Variants in DENND4C observed in about 807,000 individuals in gnomAD.
DENND4C encodes the protein DENN domain-containing protein 4C.
Under a neutral mutation model 203.0 loss-of-function variants are expected in DENND4C, and 108 were observed. That is an observed-to-expected ratio of 0.53 (90% CI 0.46 to 0.62). The LOEUF (loss-of-function observed/expected upper bound fraction) is 0.62. DENND4C is among the 20% of genes least tolerant of loss of function. The pLI, the probability that DENND4C is intolerant of heterozygous loss-of-function variation, is 0.00. For synonymous variants in DENND4C, 871 were observed against 792.4 expected (o/e 1.10, Z -1.67); for missense variants, 2,481 against 2,301.2 (o/e 1.08, Z -1.60).
intron 32 of DENND4C, 76 bp from the exon 33 acceptor site, chr9:19,371,961 C>T: frequency 6.8e-7 from 1 of 1,464,086 alleles, no homozygotes; most frequent in Non-Finnish European, 9.3e-7. Context: ...TATAATTTGA[C>T]TCAATACCAA....
chr9:19,365,368 C>A (rs1262333204), intron 30 of DENND4C, among the ~76,000 whole-genome samples: 1 of 152,140 alleles, frequency 6.6e-6, no homozygotes, highest in Non-Finnish European at 1.5e-5. Flanking sequence ...TTAAAACACT[C>A]ATCAAGCTGG....
chr9:19,309,918 A>G (rs1043426825), intron 10 of DENND4C, among the ~76,000 whole-genome samples: 4 of 152,160 alleles, frequency 2.6e-5, no homozygotes, highest in Non-Finnish European at 5.9e-5. Context: ...CACAAGAAAT[A>G]TGACCCATGA....
chr9:19,295,968 A>G (rs200586878), intron 5 of DENND4C, 40 bp from the exon 6 acceptor site: 1 of 1,467,042 alleles, frequency 6.8e-7, no homozygotes, highest in African/African-American at 1.4e-5. Flanking sequence ...ATTTTTTCAA[A>G]CAAACTCAAA....
chr9:19,302,190 G>C (rs1326011152), intron 9 of DENND4C, among the ~76,000 whole-genome samples: 1 of 152,188 alleles, frequency 6.6e-6, no homozygotes, highest in African/African-American at 2.4e-5. Flanking sequence ...AGTTATGCCA[G>C]TTACCATTTG....
chr9:19,343,203 C>A (rs1822052500), intron 22 of DENND4C, among the ~76,000 whole-genome samples: 1 of 152,202 alleles, frequency 6.6e-6, no homozygotes, highest in South Asian at 2.1e-4. Context: ...CCCCTCTACA[C>A]AGATATGCCA....
intron 8 of DENND4C, 129 bp downstream of exon 8, chr9:19,299,416 T>A: frequency 1.7e-6 from 1 of 584,470 alleles, no homozygotes; most frequent in Non-Finnish European, 2.7e-6. Flanking sequence ...TAGTTAAAAC[T>A]AGGCAAAAAT....
At chr9:19,306,506 T>G (rs7021292) in intron 10 of DENND4C, among the ~76,000 whole-genome samples, 38,308 of 151,994 alleles carry the variant, frequency 0.25, 5,039 homozygotes, top group East Asian at 0.44. Flanking sequence ...TAGCACACAT[T>G]TTATTGTTTG....
intron 1 of DENND4C, among the ~76,000 whole-genome samples, chr9:19,258,701 T>G (rs1828603750): frequency 6.6e-6 from 1 of 152,092 alleles, no homozygotes. Flanking sequence ...TGTTTCCAGG[T>G]TGGAGTGCAG....
At chr9:19,325,315 G>A (rs1222864615) in intron 13 of DENND4C, among the ~76,000 whole-genome samples, 1 of 151,942 alleles carries the variant, frequency 6.6e-6, no homozygotes, top group Admixed American at 6.6e-5. Context: ...AGTTAAAATT[G>A]ATTCTTGACT....
chr9:19,238,396 G>A (rs1367028577), intron 1 of DENND4C, among the ~76,000 whole-genome samples: 8 of 150,722 alleles, frequency 5.3e-5, no homozygotes, highest in African/African-American at 1.9e-4. Context: ...CCTATTTCTA[G>A]TGGTTGCTAG....
intron 1 of DENND4C, among the ~76,000 whole-genome samples, chr9:19,257,000 G>A (rs1040493566): frequency 8.6e-5 from 13 of 151,860 alleles, no homozygotes; most frequent in African/African-American, 2.9e-4. Context: ...AACCTGGGAG[G>A]CGGAGGTTGC....
At chr9:19,335,537 C>T (rs1284791681) in intron 18 of DENND4C, among the ~76,000 whole-genome samples, 2 of 152,112 alleles carry the variant, frequency 1.3e-5, no homozygotes, top group Admixed American at 1.3e-4. Context: ...CCCCTGGTAA[C>T]CATACTTCTA....
chr9:19,338,443 C>T (rs1432286749), intron 20 of DENND4C, among the ~76,000 whole-genome samples: 1 of 152,038 alleles, frequency 6.6e-6, no homozygotes, highest in Non-Finnish European at 1.5e-5. Flanking sequence ...ATAAAGACTT[C>T]AATAGTTGGG....
At chr9:19,323,543 A>C (rs1196079511) in intron 12 of DENND4C, among the ~76,000 whole-genome samples, 1 of 152,208 alleles carries the variant, frequency 6.6e-6, no homozygotes, top group South Asian at 2.1e-4. Context: ...CTTGAATCAG[A>C]TGCCTTGGTC....
chr9:19,338,716 T>G (rs879880930), intron 20 of DENND4C, among the ~76,000 whole-genome samples: 2 of 152,212 alleles, frequency 1.3e-5, no homozygotes, highest in Admixed American at 1.3e-4. Context: ...CCCAGCCTAG[T>G]GTTCATTTCA....
intron 31 of DENND4C, among the ~76,000 whole-genome samples, chr9:19,370,458 A>T (rs1298591175): frequency 6.6e-6 from 1 of 152,158 alleles, no homozygotes; most frequent in Non-Finnish European, 1.5e-5. Context: ...CTGTCTCAAA[A>T]AAAAAAAAAG....
In DENND4C at chr9:19,369,951, T is replaced by C. The variant is rs1393746094; in HGVS notation, c.5639T>C (p.Leu1880Pro). Residue 1880 changes from leucine to proline, a missense_variant, in exon 31 of 33, where the codon CTT (leucine) becomes CCT (proline). Transcript: ENST00000434457. ...HNNVLKPINL[L>P]SQQMKPGMKR... ...AATGTTCTTAAACCCATCAACCTAC[T>C]TTCACAGCAAATGAAGCCAGGCATG... The C allele has an allele frequency of 6.2e-7, 1 of 1,613,936 alleles. No homozygotes were observed. The highest frequency in any genetic ancestry group is 8.5e-7 in the Non-Finnish European group (1 of 1,179,940).
intron 1 of DENND4C, among the ~76,000 whole-genome samples, chr9:19,255,548 G>T (rs1450696977): frequency 6.6e-6 from 1 of 152,084 alleles, no homozygotes; most frequent in Non-Finnish European, 1.5e-5. Flanking sequence ...TGAGAGGAAA[G>T]TATTAATAAA....
chr9:19,237,121 A>G (rs1409099935), intron 1 of DENND4C, among the ~76,000 whole-genome samples: 1 of 152,068 alleles, frequency 6.6e-6, no homozygotes, highest in Non-Finnish European at 1.5e-5. Flanking sequence ...CCTCGGTTCA[A>G]GCGATTCTCC....
Sources: gnomAD v4.1 joint callset for allele counts (sites outside exome capture counted in the v4.1 genomes callset) on GRCh38, gnomAD v4.1.1 for gene constraint, MANE v1.5 for transcripts, NCBI Gene and HGNC (gene_info 2026-07-23, HGNC 2026-07-21) for gene names.